BIN1: variants seen among roughly 807,000 people sequenced by gnomAD.
BIN1 encodes the protein bridging integrator 1.
A neutral mutation model predicts 82.0 loss-of-function variants in BIN1; 53 were observed. The ratio of observed to expected loss-of-function variants is 0.65; its 90% CI spans 0.52 to 0.81. The LOEUF is 0.81. Ranked by LOEUF, BIN1 falls within the 40% of genes least tolerant of loss-of-function variation. The pLI, the probability that BIN1 is intolerant of heterozygous loss-of-function variation, is 0.00. For missense variants in BIN1, 642 were observed against 784.4 expected (o/e 0.82, Z 2.17); for synonymous variants, 302 against 328.0 (o/e 0.92, Z 0.86).
At chr2:127,075,882 G>A (rs1200766899) in intron 2 of BIN1, among the ~76,000 whole-genome samples, 2 of 126,898 alleles carry the variant, frequency 1.6e-5, no homozygotes, top group African/African-American at 6.2e-5. Context: ...CTCCCAGAAT[G>A]CTCCCAGCCC....
chr2:127,106,790 T>G, intron 1 of BIN1, 70 bp downstream of exon 1: 2 of 1,524,258 alleles, frequency 1.3e-6, no homozygotes, highest in East Asian at 2.5e-5. Context: ...GGTCGGAGGA[T>G]AGGGGGACAG....
intron 1 of BIN1, among the ~76,000 whole-genome samples, chr2:127,086,449 C>T (rs1485865300): frequency 1.3e-5 from 2 of 152,042 alleles, no homozygotes; most frequent in African/African-American, 2.4e-5. Flanking sequence ...AATACAAAAC[C>T]GGGAAGACAT....
chr2:127,105,127 T>G (rs730471), intron 1 of BIN1, among the ~76,000 whole-genome samples: 1 of 151,982 alleles, frequency 6.6e-6, no homozygotes, highest in Non-Finnish European at 1.5e-5. Context: ...GACACAGCCC[T>G]TGCCTACTGC....
Position 127,089,272 on chromosome 2 carries a change from G to GGCCCTTAAAACCCA in BIN1, c.85-12580_85-12567dup, listed in dbSNP as rs1573758800. Among the ~76,000 whole-genome samples the GGCCCTTAAAACCCA allele has an allele frequency of 2.0e-5, 3 of 152,218 alleles. No homozygotes were observed. In the East Asian group the frequency reaches 5.8e-4, roughly 29 times the overall value. ...ACCACAGAGGCCCCTGGAAGACTCT[G>GGCCCTTAAAACCCA]GCCCTTAAAACCCAGCATGGAACGT... On this transcript the variant is annotated intron_variant, in intron 1 of 18. Transcript: ENST00000316724.
intron 18 of BIN1, 141 bp from the exon 19 acceptor site, chr2:127,048,774 ACCT>A (rs1682498743): frequency 1.3e-6 from 1 of 760,946 alleles, no homozygotes; most frequent in Non-Finnish European, 2.3e-6. Flanking sequence ...CCTTGAGAAC[ACCT>A]CCTCCAGGCA....
At chr2:127,077,242 G>C (rs970961961) in intron 1 of BIN1, among the ~76,000 whole-genome samples, 1 of 152,010 alleles carries the variant, frequency 6.6e-6, no homozygotes, top group African/African-American at 2.4e-5. Flanking sequence ...GCTGCCGGGG[G>C]CCACGCAGAG....
intron 2 of BIN1, 104 bp from the exon 3 acceptor site, chr2:127,070,920 T>G: frequency 8.6e-7 from 1 of 1,163,646 alleles, no homozygotes; most frequent in Non-Finnish European, 1.2e-6. Flanking sequence ...GCTGCTCTCC[T>G]GACAGCAGCC....
At chr2:127,101,662 C>A (rs568976195) in intron 1 of BIN1, among the ~76,000 whole-genome samples, 1 of 152,322 alleles carries the variant, frequency 6.6e-6, no homozygotes, top group South Asian at 2.1e-4. Flanking sequence ...GGAATGAACA[C>A]ACAAACTTCA....
chr2:127,068,165 G>A lies in BIN1; in HGVS notation c.610C>T (p.Gln204Ter). The change falls in exon 7 of 19, where the codon CAG becomes TAG. Residue 204 changes from glutamine (Q) to a stop codon, truncating the protein, a stop_gained and splice_region_variant. Transcript: ENST00000316724. LOFTEE classifies it high-confidence loss of function. The surrounding 1 kb of genome is among the most constrained non-coding windows in gnomAD (Gnocchi z 4.9). ...GCAAGGTTAGAAGCCAGTGTCACCT[G>A]ATTTCGGAGCAGGTTAGTTTGAGCT... The part of the protein sequence containing the change: ...LVAQTNLLRN[Q>*]AEEELIKAQK... 6.2e-7 allele frequency: 1 copy of A among 1,613,372 alleles called. No homozygotes were observed. Among genetic ancestry groups the A allele is most frequent in the South Asian group, 1.1e-5 (1 of 90,918 alleles).
intron 1 of BIN1, 83 bp from the exon 2 acceptor site, chr2:127,076,789 C>T (rs1686670563): frequency 4.0e-6 from 6 of 1,498,120 alleles, no homozygotes; most frequent in Non-Finnish European, 5.6e-6. Flanking sequence ...ACCAACAGCA[C>T]AGACCAGGGG....
At chr2:127,053,709 A>G in intron 13 of BIN1, 196 bp downstream of exon 13, 1 of 699,122 alleles carries the variant, frequency 1.4e-6, no homozygotes, top group African/African-American at 1.8e-5. Flanking sequence ...GTAACCCCCT[A>G]CTGAGAGTTC....
chr2:127,083,053 C>T (rs1687497750), intron 1 of BIN1, among the ~76,000 whole-genome samples: 1 of 151,852 alleles, frequency 6.6e-6, no homozygotes, highest in East Asian at 1.9e-4. Flanking sequence ...ACTGTTACCA[C>T]TTGGCCACAC....
intron 2 of BIN1, among the ~76,000 whole-genome samples, chr2:127,075,463 T>C (rs57129051): frequency 0.019 from 2,850 of 152,258 alleles, 99 homozygotes; most frequent in African/African-American, 0.066. Flanking sequence ...TGGGAAGGAA[T>C]TGCCCAGAGC....
At chr2:127,063,872 GCACCGCAGCACGCAGACTGGA>G (rs1684824757) in intron 8 of BIN1, 40 bp downstream of exon 8, 5 of 1,597,638 alleles carry the variant, frequency 3.1e-6, no homozygotes, top group Middle Eastern at 1.7e-4. Flanking sequence ...CGCAGACTGG[GCACCGCAGCACGCAGACTGGA>G]CACTGCCCCA....
intron 1 of BIN1, among the ~76,000 whole-genome samples, chr2:127,091,547 A>G (rs1490806938): frequency 7.2e-5 from 11 of 152,204 alleles, no homozygotes; most frequent in African/African-American, 2.2e-4. Context: ...GTTGGGAAGG[A>G]ACCAGAAGGG....
intron 1 of BIN1, among the ~76,000 whole-genome samples, chr2:127,103,374 G>A (rs1680599609): frequency 1.3e-5 from 2 of 152,124 alleles, no homozygotes; most frequent in Admixed American, 1.3e-4. Context: ...TCTAGGAATC[G>A]CCACCACTGC....
intron 1 of BIN1, among the ~76,000 whole-genome samples, chr2:127,081,501 A>G (rs1196073442): frequency 6.6e-6 from 1 of 152,026 alleles, no homozygotes; most frequent in Non-Finnish European, 1.5e-5. Context: ...CACTTGCGGG[A>G]CACACACCCA....
rs374227714 is a variant in BIN1 at position 127,050,401 on chromosome 2, C to T, written c.1674+20G>A. ...TGCCTGTGGTCCCCCTGCGCTCTGGCGGCCCCACCCAGCCCTCACCTGCTC... is the reference window on the plus strand; with the variant it reads ...TGCCTGTGGTCCCCCTGCGCTCTGGTGGCCCCACCCAGCCCTCACCTGCTC... On this transcript the variant is annotated intron_variant, in intron 18 of 18. Coordinates refer to ENST00000316724, the MANE Select transcript of BIN1 (RefSeq NM_139343.3). 229 of 1,613,100 alleles carry T rather than the reference C, an allele frequency of 1.4e-4. No individual in the cohort carries two copies. The highest frequency in any genetic ancestry group is 3.3e-4 in the Middle Eastern group (2 of 6,012).
At chr2:127,085,887 T>G (rs1423831785) in intron 1 of BIN1, among the ~76,000 whole-genome samples, 1 of 152,182 alleles carries the variant, frequency 6.6e-6, no homozygotes, top group Non-Finnish European at 1.5e-5. Context: ...TCTGTCAACC[T>G]GCCCTCCCTC....
Sources: gnomAD v4.1 joint callset for allele counts (sites outside exome capture counted in the v4.1 genomes callset) on GRCh38, gnomAD v4.1.1 for gene constraint, Gnocchi (gnomAD v3.1) non-coding constraint, MANE v1.5 for transcripts, NCBI Gene and HGNC (gene_info 2026-07-23, HGNC 2026-07-21) for gene names.